Variants in SHISA9 observed in about 807,000 individuals in gnomAD.
SHISA9 encodes the protein shisa family member 9.
SHISA9 carries 13 observed loss-of-function variants against 38.0 expected under a neutral mutation model. The observed-to-expected ratio is 0.34, with a 90% CI of 0.22 to 0.54. The LOEUF (loss-of-function observed/expected upper bound fraction) is 0.54, where lower values mean the gene tolerates loss of function less well. Among genes scored for constraint, SHISA9 ranks in the 20% least tolerant of loss-of-function variants. The pLI is 0.91. For synonymous variants in SHISA9, 275 were observed against 242.0 expected (o/e 1.14, Z -1.27); for missense variants, 538 against 575.8 (o/e 0.93, Z 0.67).
At chr16:13,003,010 T>C (rs140330628) in intron 2 of SHISA9, among the ~76,000 whole-genome samples, 117 of 152,288 alleles carry the variant, frequency 7.7e-4, no homozygotes, top group Middle Eastern at 3.4e-3. Flanking sequence ...TTCCTTAAGA[T>C]GATATCCTGA....
chr16:13,424,730 A>G, the SHISA9 span, among the ~76,000 whole-genome samples: 121 of 152,358 alleles, frequency 7.9e-4, 1 homozygote, highest in Non-Finnish European at 1.3e-3. Context: ...GCAGTCATAT[A>G]TGATATGTAA....
chr16:13,274,781 A>G, the SHISA9 span, among the ~76,000 whole-genome samples: 1 of 152,176 alleles, frequency 6.6e-6, no homozygotes, highest in Non-Finnish European at 1.5e-5. Flanking sequence ...AATGATAGCC[A>G]TCCTTTGGAG....
chr16:13,277,577 A>G, the SHISA9 span, among the ~76,000 whole-genome samples: 4 of 151,626 alleles, frequency 2.6e-5, no homozygotes, highest in African/African-American at 9.7e-5. Flanking sequence ...ATTTGTTTGT[A>G]TCATCTATGA....
chr16:13,339,128 G>A, the SHISA9 span, among the ~76,000 whole-genome samples: 3 of 150,676 alleles, frequency 2.0e-5, no homozygotes, highest in Non-Finnish European at 4.4e-5. Context: ...GATTATAACT[G>A]GAGCAGAAAA....
intron 2 of SHISA9, among the ~76,000 whole-genome samples, chr16:13,107,703 A>G (rs1439213814): frequency 6.6e-6 from 1 of 152,102 alleles, no homozygotes; most frequent in Non-Finnish European, 1.5e-5. Flanking sequence ...GGTTGGGGCC[A>G]GGTGATCAAG....
chr16:13,392,888 C>T, the SHISA9 span, among the ~76,000 whole-genome samples: 1 of 152,232 alleles, frequency 6.6e-6, no homozygotes, highest in East Asian at 1.9e-4. Flanking sequence ...CTCTTACTCA[C>T]AGCCTTAGAA....
At chr16:13,168,215 G>A (rs1181372903) in intron 2 of SHISA9, among the ~76,000 whole-genome samples, 1 of 152,216 alleles carries the variant, frequency 6.6e-6, no homozygotes, top group Non-Finnish European at 1.5e-5. Context: ...TTACCCATCT[G>A]TCCTAATCAC....
intron 2 of SHISA9, among the ~76,000 whole-genome samples, chr16:12,969,711 C>T (rs1027971477): frequency 1.3e-5 from 2 of 152,152 alleles, no homozygotes; most frequent in East Asian, 1.9e-4. Flanking sequence ...CGTGCCATTG[C>T]ACTCTAGCCT....
the SHISA9 span, among the ~76,000 whole-genome samples, chr16:13,388,092 T>A: frequency 6.6e-6 from 1 of 152,276 alleles, no homozygotes; most frequent in East Asian, 1.9e-4. Flanking sequence ...CTGGGAGCTC[T>A]ATATCCTACA....
the SHISA9 span, among the ~76,000 whole-genome samples, chr16:13,453,262 G>A: frequency 6.6e-6 from 1 of 152,114 alleles, no homozygotes; most frequent in Non-Finnish European, 1.5e-5. Flanking sequence ...TGTGTCCCAG[G>A]CTCCTTATTG....
At chr16:12,977,864 C>A (rs542050541) in intron 2 of SHISA9, among the ~76,000 whole-genome samples, 7 of 152,098 alleles carry the variant, frequency 4.6e-5, no homozygotes, top group African/African-American at 1.4e-4. Flanking sequence ...ATAGCTAATG[C>A]ATGCTGGGTT....
chr16:13,352,014 G>A, the SHISA9 span, among the ~76,000 whole-genome samples: 4 of 152,184 alleles, frequency 2.6e-5, no homozygotes, highest in African/African-American at 9.7e-5. Context: ...TGGCTTTCCT[G>A]ACATCAAAGG....
At chr16:13,023,747 GATTTGC>G (rs2072886368) in intron 2 of SHISA9, among the ~76,000 whole-genome samples, 2 of 152,154 alleles carry the variant, frequency 1.3e-5, no homozygotes, top group African/African-American at 4.8e-5. Context: ...TTGCGGTTTT[GATTTGC>G]ATTTCTCTGA....
chr16:13,088,358 T>C (rs1173643249), intron 2 of SHISA9, among the ~76,000 whole-genome samples: 1 of 152,220 alleles, frequency 6.6e-6, no homozygotes, highest in Non-Finnish European at 1.5e-5. Flanking sequence ...AAGAAAGTCA[T>C]TGGTAGCTTG....
intron 2 of SHISA9, among the ~76,000 whole-genome samples, chr16:13,176,598 C>T (rs2050733607): frequency 6.6e-6 from 1 of 152,238 alleles, no homozygotes; most frequent in Non-Finnish European, 1.5e-5. Context: ...CACGGACCCA[C>T]AGTGGGAGTT....
At chr16:13,562,584 C>G in the SHISA9 span, 64,106 of 146,264 alleles carry the variant, frequency 0.44, 14,600 homozygotes, top group East Asian at 0.83. Flanking sequence ...GAGTCAAGAT[C>G]ATGCTGCTGC....
chr16:12,951,930 C>A (rs1402657442), intron 2 of SHISA9, among the ~76,000 whole-genome samples: 1 of 152,106 alleles, frequency 6.6e-6, no homozygotes, highest in African/African-American at 2.4e-5. Context: ...TTTCTTCTTA[C>A]AATTGGAGGA....
chr16:13,200,700 G>A (rs1174729986), intron 2 of SHISA9, among the ~76,000 whole-genome samples: 2 of 136,642 alleles, frequency 1.5e-5, no homozygotes, highest in East Asian at 3.9e-4. Context: ...CTGAATCTCG[G>A]CCAAAAAGCT....
chr16:13,464,072 A>C, the SHISA9 span, among the ~76,000 whole-genome samples: 3 of 152,358 alleles, frequency 2.0e-5, no homozygotes, highest in East Asian at 5.8e-4. Flanking sequence ...AGAATTACAC[A>C]GAAGTTTCAT....
Sources: gnomAD v4.1 joint callset for allele counts (sites outside exome capture counted in the v4.1 genomes callset) on GRCh38, gnomAD v4.1.1 for gene constraint, MANE v1.5 for transcripts, NCBI Gene and HGNC (gene_info 2026-07-23, HGNC 2026-07-21) for gene names.